Variants in ERBB4 observed in about 807,000 individuals in gnomAD.
ERBB4 encodes the protein receptor tyrosine-protein kinase erbB-4.
Under a neutral mutation model 158.0 loss-of-function variants are expected in ERBB4, and 42 were observed. The ratio of observed to expected loss-of-function variants is 0.27; its 90% confidence interval spans 0.21 to 0.34. The LOEUF (loss-of-function observed/expected upper bound fraction) is 0.34. ERBB4 is among the 10% of genes least tolerant of loss of function. The pLI, the probability that ERBB4 is intolerant of heterozygous loss-of-function variation, is 1.00. For synonymous variants in ERBB4, 583 were observed against 558.7 expected (o/e 1.04, Z -0.61); for missense variants, 1,333 against 1,624.1 (o/e 0.82, Z 3.08).
chr2:212,207,412 G>T (rs1033959891), intron 1 of ERBB4, among the ~76,000 whole-genome samples: 1 of 152,106 alleles, frequency 6.6e-6, no homozygotes, highest in Non-Finnish European at 1.5e-5. Flanking sequence ...AATAGCATCT[G>T]TTTCTATATG....
chr2:212,156,213 G>T (rs762665169), intron 1 of ERBB4, among the ~76,000 whole-genome samples: 1 of 152,088 alleles, frequency 6.6e-6, no homozygotes, highest in South Asian at 2.1e-4. Flanking sequence ...ATATATGTGG[G>T]AGCGTAAAGA....
chr2:211,522,282 T>A (rs1313179344), intron 20 of ERBB4, among the ~76,000 whole-genome samples: 1 of 152,176 alleles, frequency 6.6e-6, no homozygotes, highest in South Asian at 2.1e-4. Flanking sequence ...CATGGATGAC[T>A]TTGAAGGGTT....
At chr2:212,240,845 G>A (rs1402972289) in intron 1 of ERBB4, among the ~76,000 whole-genome samples, 1 of 151,816 alleles carries the variant, frequency 6.6e-6, no homozygotes, top group Non-Finnish European at 1.5e-5. Context: ...GGGTCTTGAT[G>A]TTAAAAGCCT....
At chr2:211,857,845 C>T (rs1319309399) in intron 3 of ERBB4, among the ~76,000 whole-genome samples, 2 of 152,162 alleles carry the variant, frequency 1.3e-5, no homozygotes, top group African/African-American at 4.8e-5. Flanking sequence ...ACTGAATTCT[C>T]CGCTATTGGG....
intron 3 of ERBB4, among the ~76,000 whole-genome samples, chr2:211,928,471 C>A (rs112781142): frequency 1.1e-4 from 17 of 152,250 alleles, no homozygotes; most frequent in African/African-American, 3.9e-4. Flanking sequence ...GGTAAGAGGG[C>A]TCGGACTTCT....
At chr2:212,419,746 A>G (rs1280954024) in intron 1 of ERBB4, among the ~76,000 whole-genome samples, 4 of 151,914 alleles carry the variant, frequency 2.6e-5, no homozygotes, top group Admixed American at 1.3e-4. Flanking sequence ...TGTTTAAGAC[A>G]TCTGAATATA....
At chr2:211,613,652 G>A (rs1244308269) in intron 19 of ERBB4, among the ~76,000 whole-genome samples, 1 of 151,916 alleles carries the variant, frequency 6.6e-6, no homozygotes, top group Non-Finnish European at 1.5e-5. Flanking sequence ...ATGTCAAATA[G>A]GCATATGAAA....
intron 3 of ERBB4, among the ~76,000 whole-genome samples, chr2:211,838,038 T>C (rs568764006): frequency 1.3e-5 from 2 of 152,122 alleles, no homozygotes; most frequent in South Asian, 4.1e-4. Context: ...GATGGTGAAT[T>C]ACACAGTGCT....
At chr2:211,741,208 C>T (rs543345815) in intron 5 of ERBB4, among the ~76,000 whole-genome samples, 16 of 152,104 alleles carry the variant, frequency 1.1e-4, no homozygotes, top group Non-Finnish European at 1.5e-4. Flanking sequence ...AGCTCTTCTG[C>T]TGTGAAGACA....
chr2:211,478,674 C>T (rs2065014048), intron 20 of ERBB4, among the ~76,000 whole-genome samples: 1 of 152,190 alleles, frequency 6.6e-6, no homozygotes, highest in Non-Finnish European at 1.5e-5. Context: ...CTGCTTTCAA[C>T]ATCCTAATTC....
chr2:211,973,991 A>T (rs2081533912), intron 2 of ERBB4, among the ~76,000 whole-genome samples: 1 of 152,188 alleles, frequency 6.6e-6, no homozygotes. Flanking sequence ...CAGAAAACCA[A>T]ACACCACATG....
At chr2:212,419,848 A>G (rs2091753650) in intron 1 of ERBB4, among the ~76,000 whole-genome samples, 1 of 151,808 alleles carries the variant, frequency 6.6e-6, no homozygotes, top group Non-Finnish European at 1.5e-5. Flanking sequence ...GATTCTTTAA[A>G]CCTTCTTGCA....
In ERBB4 at chr2:212,079,018, T is replaced by C. The variant is rs573998761; in HGVS notation, c.234+45734A>G. ...ATTTATAGATTTACTTCATTCCTTT[T>C]TTCTATTTCATTTTTATATTATCCA... On this transcript the variant is annotated intron_variant, in intron 2 of 27. Coordinates refer to ENST00000342788, the MANE Select transcript of ERBB4 (RefSeq NM_005235.3). Among the ~76,000 whole-genome samples the C allele has an allele frequency of 4.4e-4, 66 of 151,496 alleles. 2 individuals are homozygous for C. The highest frequency in any genetic ancestry group is 1.5e-3 in the African/African-American group (63 of 41,486).
At chr2:211,729,922 A>G (rs1479606894) in intron 5 of ERBB4, among the ~76,000 whole-genome samples, 3 of 151,928 alleles carry the variant, frequency 2.0e-5, no homozygotes, top group Non-Finnish European at 4.4e-5. Flanking sequence ...ACTAAATGTG[A>G]TTAATATAAA....
At chr2:212,183,301 T>C (rs752867893) in intron 1 of ERBB4, among the ~76,000 whole-genome samples, 1 of 152,032 alleles carries the variant, frequency 6.6e-6, no homozygotes, top group Non-Finnish European at 1.5e-5. Flanking sequence ...TAAACTTCTA[T>C]GGATTTTATA....
chr2:211,586,301 T>A (rs2068275820), intron 19 of ERBB4, among the ~76,000 whole-genome samples: 1 of 152,018 alleles, frequency 6.6e-6, no homozygotes, highest in South Asian at 2.1e-4. Context: ...CTTTAACATA[T>A]AAAGAGTATA....
chr2:211,773,633 T>TATATATATAAA (rs1553630519), intron 4 of ERBB4, among the ~76,000 whole-genome samples: 2 of 102,852 alleles, frequency 1.9e-5, no homozygotes, highest in African/African-American at 9.1e-5. Context: ...TATATATATA[T>TATATATATAAA]ATATATATAT....
intron 20 of ERBB4, among the ~76,000 whole-genome samples, chr2:211,467,925 CT>C (rs2064735736): frequency 6.6e-6 from 1 of 152,114 alleles, no homozygotes. Context: ...AATGGAAAAT[CT>C]TGTTATTTCC....
At chr2:212,399,591 G>A (rs1338010074) in intron 1 of ERBB4, among the ~76,000 whole-genome samples, 30 of 126,548 alleles carry the variant, frequency 2.4e-4, no homozygotes, top group African/African-American at 6.7e-4. Flanking sequence ...TATATTGGGC[G>A]TGGTGTCTTA....
Sources: gnomAD v4.1 joint callset for allele counts (sites outside exome capture counted in the v4.1 genomes callset) on GRCh38, gnomAD v4.1.1 for gene constraint, MANE v1.5 for transcripts, NCBI Gene and HGNC (gene_info 2026-07-23, HGNC 2026-07-21) for gene names.